TUSC3: variants seen among roughly 807,000 people sequenced by gnomAD.
TUSC3 encodes the protein dolichyl-diphosphooligosaccharide--protein glycosyltransferase subunit TUSC3.
In TUSC3, 45 loss-of-function variants were observed where a neutral mutation model predicts 44.8. The ratio of observed to expected loss-of-function variants is 1.00; its 90% confidence interval spans 0.79 to 1.29. The LOEUF is 1.29. Among genes scored for constraint, TUSC3 ranks in the 50% most tolerant of loss-of-function variants. The pLI is 0.00. For synonymous variants in TUSC3, 212 were observed against 152.9 expected (o/e 1.39, Z -2.85); for missense variants, 519 against 437.9 (o/e 1.19, Z -1.65).
intron 6 of TUSC3, among the ~76,000 whole-genome samples, chr8:15,677,630 G>C (rs1198898026): frequency 6.6e-6 from 1 of 152,218 alleles, no homozygotes; most frequent in Non-Finnish European, 1.5e-5. Flanking sequence ...GCTGAGAATG[G>C]CTCTGTCCAT....
chr8:15,724,459 G>A (rs1395932166), intron 6 of TUSC3, among the ~76,000 whole-genome samples: 4 of 152,098 alleles, frequency 2.6e-5, no homozygotes, highest in African/African-American at 7.2e-5. Flanking sequence ...AGATAGGTTC[G>A]TTTAAAAACA....
chr8:15,779,102 T>C, the TUSC3 span, among the ~76,000 whole-genome samples: 19 of 112,946 alleles, frequency 1.7e-4, no homozygotes, highest in Middle Eastern at 3.9e-3. Context: ...TGTTTTCTTT[T>C]TTTTTTTTTT....
chr8:15,711,463 C>CCTGT (rs1554479702), intron 6 of TUSC3, among the ~76,000 whole-genome samples: 2 of 144,908 alleles, frequency 1.4e-5, no homozygotes, highest in Non-Finnish European at 3.0e-5. Flanking sequence ...CAAAAAGGTA[C>CCTGT]GTGTGTGTGT....
intron 6 of TUSC3, among the ~76,000 whole-genome samples, chr8:15,712,446 G>A (rs1055160657): frequency 6.6e-6 from 1 of 151,824 alleles, no homozygotes; most frequent in Non-Finnish European, 1.5e-5. Flanking sequence ...AATTCACATC[G>A]AGTTTAACTT....
the TUSC3 span, among the ~76,000 whole-genome samples, chr8:15,833,858 G>A: frequency 6.6e-6 from 1 of 151,044 alleles, no homozygotes; most frequent in Non-Finnish European, 1.5e-5. Flanking sequence ...AAAAAAAGGT[G>A]TTTTAAAGTG....
rs926882071 is a variant in TUSC3 at position 15,568,052 on chromosome 8, C to G, written c.138+27484C>G. On this transcript the variant is annotated intron_variant, in intron 1 of 10. Transcript: ENST00000503731. ...ATCAGGCAAGGCTACACATATTACT[C>G]ATTCCTCTTGTCACGATTGGCACAA... Among the ~76,000 whole-genome samples the G allele has an allele frequency of 3.3e-5, 5 of 152,222 alleles. No homozygotes were observed. In the East Asian group the frequency reaches 7.7e-4, roughly 24 times the overall value.
chr8:15,806,793 G>T, the TUSC3 span: 2 of 825,048 alleles, frequency 2.4e-6, no homozygotes, highest in Non-Finnish European at 4.0e-6. Context: ...TTTTCTAGCG[G>T]ATTTGCAATT....
chr8:15,481,475 T>C (rs1800660377), intron 1 of TUSC3, among the ~76,000 whole-genome samples: 1 of 152,064 alleles, frequency 6.6e-6, no homozygotes, highest in Non-Finnish European at 1.5e-5. Flanking sequence ...CAAATGCCAG[T>C]TCCTCAATCT....
chr8:15,515,749 C>T (rs1008407359), intron 2 of TUSC3, among the ~76,000 whole-genome samples: 5 of 152,090 alleles, frequency 3.3e-5, no homozygotes, highest in African/African-American at 4.8e-5. Flanking sequence ...CCCACTGCAA[C>T]CTCTCCCTCC....
At chr8:15,627,724 G>T (rs556929099) in intron 2 of TUSC3, among the ~76,000 whole-genome samples, 58 of 152,354 alleles carry the variant, frequency 3.8e-4, no homozygotes, top group African/African-American at 1.3e-3. Flanking sequence ...GCCTCACAGG[G>T]AGCTGGTGTC....
the TUSC3 span, among the ~76,000 whole-genome samples, chr8:15,833,562 T>C: frequency 0.18 from 27,386 of 152,110 alleles, 3,309 homozygotes; most frequent in African/African-American, 0.34. Context: ...CTGGAGGCCA[T>C]TATCCTTAGC....
intron 1 of TUSC3, among the ~76,000 whole-genome samples, chr8:15,451,858 G>A (rs918133862): frequency 6.6e-6 from 1 of 151,930 alleles, no homozygotes; most frequent in Non-Finnish European, 1.5e-5. Context: ...GCTTTGTGTG[G>A]GGGAAAAAAA....
intron 5 of TUSC3, among the ~76,000 whole-genome samples, chr8:15,668,978 G>A (rs953902627): frequency 1.3e-5 from 2 of 151,714 alleles, no homozygotes; most frequent in African/African-American, 4.8e-5. Flanking sequence ...AAAAAGCAGA[G>A]TAGAGTATTT....
chr8:15,597,756 A>G (rs928190830), intron 1 of TUSC3, among the ~76,000 whole-genome samples: 4 of 152,098 alleles, frequency 2.6e-5, no homozygotes, highest in African/African-American at 9.7e-5. Context: ...TATACTTGAA[A>G]GCATATGGCT....
At chr8:15,678,854 C>T (rs1249150265) in intron 6 of TUSC3, among the ~76,000 whole-genome samples, 1 of 152,096 alleles carries the variant, frequency 6.6e-6, no homozygotes. Flanking sequence ...GGTTTAGCTC[C>T]CACTTGTGAG....
chr8:15,783,758 G>C, the TUSC3 span, among the ~76,000 whole-genome samples: 1 of 152,042 alleles, frequency 6.6e-6, no homozygotes, highest in Non-Finnish European at 1.5e-5. Context: ...ACTACAAGAA[G>C]AAAACAAAGG....
chr8:15,465,059 A>G (rs1328177488), intron 1 of TUSC3, among the ~76,000 whole-genome samples: 10 of 152,212 alleles, frequency 6.6e-5, no homozygotes, highest in Non-Finnish European at 2.9e-5. Context: ...TATGTTGGCC[A>G]GGATGGTCTT....
At chr8:15,655,116 C>A (rs564209447) in intron 3 of TUSC3, among the ~76,000 whole-genome samples, 6 of 152,228 alleles carry the variant, frequency 3.9e-5, no homozygotes, top group Admixed American at 2.6e-4. Flanking sequence ...GTCAGGTGAC[C>A]ATCATGTGAT....
intron 1 of TUSC3, among the ~76,000 whole-genome samples, chr8:15,429,384 A>G (rs1563248698): frequency 6.6e-6 from 1 of 150,546 alleles, no homozygotes; most frequent in Non-Finnish European, 1.5e-5. Flanking sequence ...CTTGTAGTAT[A>G]GTTTGAAGTC....
Sources: gnomAD v4.1 joint callset for allele counts (sites outside exome capture counted in the v4.1 genomes callset) on GRCh38, gnomAD v4.1.1 for gene constraint, MANE v1.5 for transcripts, NCBI Gene and HGNC (gene_info 2026-07-23, HGNC 2026-07-21) for gene names.